Variants in RGS6 observed in about 807,000 individuals in gnomAD.
RGS6 encodes the protein regulator of G-protein signaling 6.
RGS6 carries 30 observed loss-of-function variants against 78.5 expected under a neutral mutation model. The ratio of observed to expected loss-of-function variants is 0.38; its 90% CI spans 0.29 to 0.52. The LOEUF is 0.52. Ranked by LOEUF, RGS6 falls within the 20% of genes least tolerant of loss-of-function variation. RGS6 has a pLI of 0.85. For missense variants in RGS6, 495 were observed against 609.7 expected (o/e 0.81, Z 1.98); for synonymous variants, 206 against 206.0 (o/e 1.00, Z 0.00).
At chr14:72,052,251 G>T (rs1959270049) in intron 2 of RGS6, among the ~76,000 whole-genome samples, 1 of 152,144 alleles carries the variant, frequency 6.6e-6, no homozygotes, top group Admixed American at 6.5e-5. Flanking sequence ...ATGGACAACA[G>T]ATATTTTCAG....
At chr14:72,387,506 A>G (rs1420397062) in intron 3 of RGS6, among the ~76,000 whole-genome samples, 3 of 151,792 alleles carry the variant, frequency 2.0e-5, no homozygotes, top group South Asian at 2.1e-4. Context: ...CCGAGATCGC[A>G]CCACTGGACT....
chr14:71,938,718 C>T (rs1011149933), intron 1 of RGS6, among the ~76,000 whole-genome samples: 2 of 152,146 alleles, frequency 1.3e-5, no homozygotes, highest in Non-Finnish European at 2.9e-5. Context: ...TGCTGCTGTG[C>T]ACAACCCACT....
intron 2 of RGS6, among the ~76,000 whole-genome samples, chr14:72,246,146 A>G (rs1208865243): frequency 6.6e-6 from 1 of 152,226 alleles, no homozygotes; most frequent in Non-Finnish European, 1.5e-5. Flanking sequence ...AGTTACAAAC[A>G]ATTGCTATAA....
intron 2 of RGS6, among the ~76,000 whole-genome samples, chr14:71,985,329 G>A (rs1030772810): frequency 1.3e-4 from 20 of 152,072 alleles, no homozygotes; most frequent in African/African-American, 2.2e-4. Context: ...TCACTATGTT[G>A]GCCAGAATGG....
intron 2 of RGS6, among the ~76,000 whole-genome samples, chr14:72,090,912 G>T (rs531188684): frequency 7.2e-5 from 11 of 152,130 alleles, no homozygotes; most frequent in East Asian, 5.8e-4. Flanking sequence ...CATTTCCAGG[G>T]CCCTTATTTT....
chr14:72,118,078 G>A lies in RGS6; in HGVS notation c.84+153203G>A, dbSNP rs1040812767. On this transcript the variant is annotated intron_variant, in intron 2 of 17. Transcript: ENST00000553525. ...CCATTATCATCAGCATTTCTTGAGC[G>A]CTGGCCACTTGTTTCTGGTGCTCGT... is the stretch of plus-strand genomic sequence containing the variant. Among the ~76,000 whole-genome samples the A allele has an allele frequency of 5.9e-5, 9 of 152,152 alleles. No homozygotes were observed. The East Asian group carries it at 1.2e-3, about 20-fold the overall frequency.
At chr14:72,134,046 A>T (rs890040229) in intron 2 of RGS6, among the ~76,000 whole-genome samples, 1 of 152,198 alleles carries the variant, frequency 6.6e-6, no homozygotes, top group African/African-American at 2.4e-5. Context: ...TTCAAATTCA[A>T]AATGAAGCCT....
chr14:72,620,286 T>C, the RGS6 span, among the ~76,000 whole-genome samples: 1 of 152,236 alleles, frequency 6.6e-6, no homozygotes, highest in Non-Finnish European at 1.5e-5. Flanking sequence ...AGGGATCCCT[T>C]ATTCTTCTGA....
chr14:72,418,644 G>A (rs1429993686), intron 3 of RGS6, among the ~76,000 whole-genome samples: 1 of 152,208 alleles, frequency 6.6e-6, no homozygotes, highest in Non-Finnish European at 1.5e-5. Flanking sequence ...CTCTAACCTA[G>A]AGAGAGAATG....
intron 2 of RGS6, among the ~76,000 whole-genome samples, chr14:72,213,075 G>T (rs908010627): frequency 1.3e-5 from 2 of 152,108 alleles, no homozygotes; most frequent in African/African-American, 4.8e-5. Context: ...GCATTCCCCT[G>T]GGTTATTTTA....
chr14:71,954,284 TG>T (rs1249578785), intron 1 of RGS6, among the ~76,000 whole-genome samples: 1 of 151,994 alleles, frequency 6.6e-6, no homozygotes, highest in Non-Finnish European at 1.5e-5. Flanking sequence ...CTTCTCTTCT[TG>T]GAATTCTGAT....
intron 2 of RGS6, among the ~76,000 whole-genome samples, chr14:72,115,698 A>G (rs1440326630): frequency 1.3e-5 from 2 of 152,192 alleles, no homozygotes; most frequent in East Asian, 3.8e-4. Context: ...GACTATAGCT[A>G]CTGCTTCAGT....
intron 1 of RGS6, among the ~76,000 whole-genome samples, chr14:71,948,282 A>G (rs750905825): frequency 6.6e-6 from 1 of 152,202 alleles, no homozygotes; most frequent in African/African-American, 2.4e-5. Context: ...GGTCCTGATT[A>G]GTCACATGTC....
chr14:71,902,485 T>A, the RGS6 span, among the ~76,000 whole-genome samples: 5 of 152,130 alleles, frequency 3.3e-5, no homozygotes, highest in Non-Finnish European at 5.9e-5. Flanking sequence ...TTATATTTCA[T>A]CAGTACAGGT....
chr14:72,265,001 T>G (rs191357621), intron 2 of RGS6, among the ~76,000 whole-genome samples: 1 of 152,160 alleles, frequency 6.6e-6, no homozygotes, highest in East Asian at 1.9e-4. Flanking sequence ...GAGGAGGGGC[T>G]TAAAGGATTT....
intron 2 of RGS6, among the ~76,000 whole-genome samples, chr14:72,104,423 T>A (rs1275095916): frequency 2.0e-5 from 3 of 152,276 alleles, no homozygotes; most frequent in Non-Finnish European, 4.4e-5. Context: ...TAAAGCTATG[T>A]ATAAACTAAT....
chr14:72,547,130 G>C, intron 17 of RGS6: 3 of 1,530,136 alleles, frequency 2.0e-6, no homozygotes, highest in Non-Finnish European at 2.6e-6. Context: ...CGACCACTCA[G>C]AAGACAGGAT....
intron 2 of RGS6, among the ~76,000 whole-genome samples, chr14:72,300,756 C>T (rs1439375085): frequency 1.6e-4 from 25 of 152,238 alleles, no homozygotes; most frequent in Admixed American, 2.6e-4. Context: ...GGCATCTTGG[C>T]GGTGGTCAGT....
chr14:72,608,533 C>T, the RGS6 span, among the ~76,000 whole-genome samples: 2 of 151,986 alleles, frequency 1.3e-5, no homozygotes, highest in South Asian at 2.1e-4. Flanking sequence ...TCTCTCTCCC[C>T]AACCATATTC....
Sources: gnomAD v4.1 joint callset for allele counts (sites outside exome capture counted in the v4.1 genomes callset) on GRCh38, gnomAD v4.1.1 for gene constraint, MANE v1.5 for transcripts, NCBI Gene and HGNC (gene_info 2026-07-23, HGNC 2026-07-21) for gene names.